DLGAP2: variants seen among roughly 807,000 people sequenced by gnomAD.
The protein encoded by DLGAP2 is disks large-associated protein 2.
Under a neutral mutation model 100.3 loss-of-function variants are expected in DLGAP2, and 26 were observed. That is an observed-to-expected ratio of 0.26 (90% CI 0.19 to 0.36). The LOEUF is 0.36. DLGAP2 is among the 10% of genes least tolerant of loss of function. DLGAP2 has a pLI of 1.00. For missense variants in DLGAP2, 1,858 were observed against 1,453.2 expected (o/e 1.28, Z -4.53); for synonymous variants, 886 against 630.1 (o/e 1.41, Z -6.08).
intron 2 of DLGAP2, among the ~76,000 whole-genome samples, chr8:1,149,361 A>G (rs1308154828): frequency 1.3e-5 from 2 of 152,178 alleles, no homozygotes; most frequent in African/African-American, 2.4e-5. Flanking sequence ...GTTAGCCAGG[A>G]TGGTCTCGAT....
intron 3 of DLGAP2, among the ~76,000 whole-genome samples, chr8:1,357,250 G>A (rs552616027): frequency 1.9e-4 from 29 of 152,056 alleles, no homozygotes; most frequent in Non-Finnish European, 2.8e-4. Flanking sequence ...TGCAGAGTGT[G>A]CCGGTCCTCG....
intron 2 of DLGAP2, among the ~76,000 whole-genome samples, chr8:1,067,742 C>T (rs1803302146): frequency 6.6e-6 from 1 of 152,068 alleles, no homozygotes. Flanking sequence ...CACGCCCTCC[C>T]TCGTGACCCA....
chr8:794,326 C>T (rs1017268253), intron 1 of DLGAP2, among the ~76,000 whole-genome samples: 4 of 152,096 alleles, frequency 2.6e-5, no homozygotes, highest in African/African-American at 9.7e-5. Flanking sequence ...GAATTAAAGA[C>T]ACACACACAG....
intron 2 of DLGAP2, among the ~76,000 whole-genome samples, chr8:1,049,213 A>G (rs982258517): frequency 1.3e-5 from 2 of 152,130 alleles, no homozygotes; most frequent in Non-Finnish European, 2.9e-5. Context: ...GTTACGGGGG[A>G]AAATGTGTAA....
intron 1 of DLGAP2, among the ~76,000 whole-genome samples, chr8:890,882 C>G (rs569997674): frequency 4.6e-5 from 7 of 152,280 alleles, no homozygotes; most frequent in Non-Finnish European, 7.4e-5. Context: ...ATGGGATGTT[C>G]TTGGCACCCC....
At chr8:1,132,207 C>T (rs183377479) in intron 2 of DLGAP2, among the ~76,000 whole-genome samples, 2 of 152,238 alleles carry the variant, frequency 1.3e-5, no homozygotes, top group East Asian at 3.9e-4. Context: ...AATAGAAAGC[C>T]ATGTTTTTGA....
chr8:1,410,143 G>T (rs1160530268), intron 3 of DLGAP2, among the ~76,000 whole-genome samples: 3 of 152,162 alleles, frequency 2.0e-5, no homozygotes, highest in Non-Finnish European at 4.4e-5. Context: ...GGAAGGGGAG[G>T]TTTCAAAACA....
intron 2 of DLGAP2, among the ~76,000 whole-genome samples, chr8:975,932 G>C (rs2129013144): frequency 6.6e-6 from 1 of 152,272 alleles, no homozygotes; most frequent in East Asian, 1.9e-4. Flanking sequence ...AGATGACGTT[G>C]TCTGTGGAAA....
chr8:840,814 G>A (rs940183302), intron 1 of DLGAP2, among the ~76,000 whole-genome samples: 3 of 152,220 alleles, frequency 2.0e-5, no homozygotes, highest in African/African-American at 7.2e-5. Flanking sequence ...CCACACTCTC[G>A]ATTCTGTGAA....
At chr8:1,081,023 G>C (rs375237117) in intron 2 of DLGAP2, among the ~76,000 whole-genome samples, 2 of 151,884 alleles carry the variant, frequency 1.3e-5, no homozygotes, top group African/African-American at 4.8e-5. Flanking sequence ...TATTGTGTTT[G>C]GTATATTAAA....
chr8:1,128,572 C>T (rs548694492), intron 2 of DLGAP2, among the ~76,000 whole-genome samples: 34 of 152,290 alleles, frequency 2.2e-4, no homozygotes, highest in Admixed American at 1.2e-3. Flanking sequence ...CCTGGGTGTG[C>T]GGCAGGCTCA....
chr8:1,534,586 C>T (rs182120400), intron 4 of DLGAP2, among the ~76,000 whole-genome samples: 51 of 152,280 alleles, frequency 3.3e-4, no homozygotes, highest in African/African-American at 1.2e-3. Flanking sequence ...AATCAAAAGA[C>T]ATCTATGAGC....
chr8:800,605 T>C (rs1796127713), intron 1 of DLGAP2, among the ~76,000 whole-genome samples: 1 of 152,112 alleles, frequency 6.6e-6, no homozygotes, highest in African/African-American at 2.4e-5. Flanking sequence ...CACCTGCATG[T>C]GTGTGTGTAC....
At chr8:1,575,971 C>G (rs186249535) in intron 6 of DLGAP2, among the ~76,000 whole-genome samples, 24 of 152,076 alleles carry the variant, frequency 1.6e-4, no homozygotes, top group African/African-American at 2.7e-4. Flanking sequence ...ATAGTCCTTC[C>G]GGTATATACC....
rs534059436 is a variant in DLGAP2, at chr8:781,847, A to G, written c.18+44022A>G. Among the ~76,000 whole-genome samples the G allele has an allele frequency of 1.2e-4, 18 of 152,328 alleles. No homozygotes were observed. The South Asian group carries it at 3.5e-3, about 30-fold the overall frequency. The stretch of plus-strand genomic sequence containing the variant: ...AATTATATAACCTAATGTTTGTGCT[A>G]TAATTTTTTGTTTCTTTTGTGAAAA... On this transcript the variant is annotated intron_variant, in intron 1 of 14. Transcript: ENST00000637795.
At chr8:824,987 G>T (rs1796659977) in intron 1 of DLGAP2, among the ~76,000 whole-genome samples, 1 of 152,152 alleles carries the variant, frequency 6.6e-6, no homozygotes, top group Non-Finnish European at 1.5e-5. Context: ...GCGGTCTTTG[G>T]AGCGATGTCT....
intron 3 of DLGAP2, among the ~76,000 whole-genome samples, chr8:1,417,720 G>GCTCCGGGGGGGCACGGGGAGGCCTCA (rs1796966876): frequency 6.8e-6 from 1 of 148,014 alleles, no homozygotes; most frequent in African/African-American, 2.6e-5. Flanking sequence ...ACTCGGCGAG[G>GCTCCGGGGGGGCACGGGGAGGCCTCA]CTCCAGACAC....
chr8:1,408,212 T>G (rs942276437), intron 3 of DLGAP2, among the ~76,000 whole-genome samples: 16 of 152,222 alleles, frequency 1.1e-4, no homozygotes, highest in Non-Finnish European at 1.8e-4. Context: ...ATCCTTGTGC[T>G]CTTTCCACCT....
chr8:1,442,746 CAG>C (rs1797873738), intron 3 of DLGAP2, among the ~76,000 whole-genome samples: 2 of 150,180 alleles, frequency 1.3e-5, no homozygotes, highest in Non-Finnish European at 3.0e-5. Flanking sequence ...GCTGTGGGTT[CAG>C]CCACTGGAGG....
Sources: allele counts gnomAD v4.1 joint callset (sites outside exome capture counted in the v4.1 genomes callset), GRCh38; gene constraint gnomAD v4.1.1; transcripts MANE v1.5; gene names NCBI Gene and HGNC (gene_info 2026-07-23, HGNC 2026-07-21).